Variants in ACACB observed in about 807,000 individuals in gnomAD.
The protein encoded by ACACB is acetyl-CoA carboxylase beta, also known as acetyl-CoA carboxylase 2.
ACACB carries 209 observed loss-of-function variants against 278.8 expected under a neutral mutation model. The ratio of observed to expected loss-of-function variants is 0.75; its 90% CI spans 0.67 to 0.84. ACACB has a LOEUF of 0.84. ACACB is among the 40% of genes least tolerant of loss of function. The pLI, the probability that ACACB is intolerant of heterozygous loss-of-function variation, is 0.00. For missense variants in ACACB, 2,850 were observed against 3,269.0 expected, an observed-to-expected ratio of 0.87 and a Z score of 3.13; for synonymous variants, 1,174 against 1,285.6, an observed-to-expected ratio of 0.91 and a Z score of 1.86.
chr12:109,157,272 G>A (rs377120637), intron 2 of ACACB, among the ~76,000 whole-genome samples: 10 of 143,184 alleles, frequency 7.0e-5, no homozygotes, highest in South Asian at 6.8e-4. Flanking sequence ...TTCTAGAGTT[G>A]TTATTATTAT....
chr12:109,113,356 GC>G (rs2042345040), upstream of ACACB: 1 of 152,276 alleles, frequency 6.6e-6, no homozygotes, highest in Admixed American at 6.5e-5. Context: ...GTTCCACGTG[GC>G]AAGGTTTGGG....
At chr12:109,130,574 CGAT>C (rs1473645051) in intron 1 of ACACB, among the ~76,000 whole-genome samples, 5 of 152,130 alleles carry the variant, frequency 3.3e-5, no homozygotes, top group African/African-American at 1.2e-4. Context: ...ACACTGGACT[CGAT>C]GATCCCTGTG....
intron 2 of ACACB, among the ~76,000 whole-genome samples, chr12:109,157,566 C>T (rs765452592): frequency 1.3e-5 from 2 of 152,122 alleles, no homozygotes; most frequent in Admixed American, 6.6e-5. Context: ...CCACCATGCC[C>T]GGCTCTTTCT....
In ACACB at chr12:109,166,350, A is replaced by C. The variant is rs142107299; in HGVS notation, c.654-511A>C. On this transcript the variant is annotated intron_variant, in intron 2 of 52. Transcript: ENST00000338432. ...CATCCACCTTGGGACAGGTAGAAGA[A>C]ACTGCTCCTTCTAGTTCATGTGCTG... Among the ~76,000 whole-genome samples the C allele has an allele frequency of 2.0e-3, 297 of 152,204 alleles. 1 individual carries two copies. The highest frequency in any genetic ancestry group is 3.4e-3 in the Middle Eastern group (1 of 294).
intron 48 of ACACB, among the ~76,000 whole-genome samples, chr12:109,261,035 T>G (rs906519493): frequency 1.3e-5 from 2 of 152,212 alleles, no homozygotes; most frequent in Non-Finnish European, 2.9e-5. Context: ...AACAAATGAC[T>G]GAATGAATAC....
Position 109,268,067 on chromosome 12 carries a change from A to T in ACACB, c.*1705A>T, listed in dbSNP as rs2047557879. On this transcript the variant is annotated 3_prime_UTR_variant, in exon 53 of 53. Transcript: ENST00000338432. The surrounding 1 kb of genome is among the most constrained non-coding windows in gnomAD (Gnocchi z 4.2). Reference sequence around the variant, plus strand: ...TTCCACCCCGAGGTTTGCTGGGGTGAGGGGAAGAATCGATGCTGCTTTGGG... The same window carrying T: ...TTCCACCCCGAGGTTTGCTGGGGTGTGGGGAAGAATCGATGCTGCTTTGGG... 3 of 152,092 alleles carry T rather than the reference A, an allele frequency of 2.0e-5. No individual in the cohort carries two copies. The South Asian group carries it at 6.2e-4, about 32-fold the overall frequency. 9.4% of individuals were successfully genotyped at this position (152,092 alleles called of 1,614,324 possible). A position where few individuals can be genotyped will look rare whatever the true frequency, so the allele number is the denominator to read the frequency against.
intron 39 of ACACB, 98 bp downstream of exon 39, chr12:109,246,546 C>T: frequency 7.0e-7 from 1 of 1,436,290 alleles, no homozygotes; most frequent in South Asian, 1.3e-5. Flanking sequence ...AAAAATCTCA[C>T]TTATGTATAA....
the ACACB span, chr12:109,111,538 GTTT>G: frequency 1.3e-5 from 2 of 150,016 alleles, no homozygotes; most frequent in Non-Finnish European, 3.0e-5. Flanking sequence ...CCACAATTGT[GTTT>G]TTTTTTCTTT....
At chr12:109,111,717 G>C (rs935004627), upstream of ACACB, among the ~76,000 whole-genome samples, 2 of 151,932 alleles carry the variant, frequency 1.3e-5, no homozygotes, top group East Asian at 3.9e-4. Context: ...TACCACGCCC[G>C]GCTAATTTTT....
At position 109,242,299 on chromosome 12, in the gene ACACB, C is replaced by T. The variant is rs1018225244; in HGVS notation, c.5023-138C>T. On this transcript the variant is annotated intron_variant, in intron 36 of 52. Coordinates refer to ENST00000338432, the MANE Select transcript of ACACB (RefSeq NM_001093.4). ...TGGTGAAGAAGGGAGTTTTACGTAG[C>T]CCAGGCACTCACTTTGTCATGCCAT... 1.8e-4 allele frequency: 171 copies of T among 937,968 alleles called. 2 individuals are homozygous for T. The highest frequency in any genetic ancestry group is 6.2e-4 in the South Asian group (38 of 61,672). 58.1% of individuals were successfully genotyped at this position (937,968 alleles called of 1,614,324 possible).
intron 38 of ACACB, 95 bp downstream of exon 38, chr12:109,245,843 C>A: frequency 6.8e-7 from 1 of 1,471,334 alleles, no homozygotes; most frequent in Non-Finnish European, 9.2e-7. Flanking sequence ...AATCCCAGTG[C>A]TTTGGGAGGC....
At chr12:109,262,833 T>C (rs1029079571) in intron 49 of ACACB, among the ~76,000 whole-genome samples, 3 of 150,716 alleles carry the variant, frequency 2.0e-5, no homozygotes, top group African/African-American at 2.4e-5. Flanking sequence ...CCCAGGCTGT[T>C]CTCAAACTCC....
rs745491556 is a variant in ACACB at position 109,191,728 on chromosome 12, G to C, written c.2260G>C (p.Gly754Arg). The change falls in exon 14 of 53, where the codon GGG (glycine) becomes CGG (arginine). Residue 754 changes from glycine to arginine, a missense_variant. Transcript: ENST00000338432. Reference protein sequence around the residue: ...ESFQNNDIDTGWLDYLIAEKV... With the variant: ...ESFQNNDIDTRWLDYLIAEKV... ...CTTCCAGAACAACGACATCGACACC[G>C]GGTGGTTGGACTACCTCATTGCTGA... is the stretch of plus-strand genomic sequence containing the variant. 1.9e-6 allele frequency: 3 copies of C among 1,614,192 alleles called. No individual in the cohort carries two copies. Among genetic ancestry groups the C allele is most frequent in the Admixed American group, 3.3e-5 (2 of 60,024 alleles).
intron 4 of ACACB, among the ~76,000 whole-genome samples, chr12:109,169,244 C>T (rs1225093049): frequency 6.6e-6 from 1 of 151,962 alleles, no homozygotes; most frequent in African/African-American, 2.4e-5. Flanking sequence ...GTGCTGTTCC[C>T]AATATTAGCA....
At chr12:109,201,448 A>C (rs1295413694) in intron 18 of ACACB, 119 bp from the exon 19 acceptor site, 1 of 1,215,200 alleles carries the variant, frequency 8.2e-7, no homozygotes, top group African/African-American at 1.5e-5. Context: ...CCAGGGAGTC[A>C]TTCTGGCGCG....
At chr12:109,221,901 G>GGA (rs1166735212) in intron 24 of ACACB, among the ~76,000 whole-genome samples, 1 of 150,150 alleles carries the variant, frequency 6.7e-6, no homozygotes, top group African/African-American at 2.5e-5. Flanking sequence ...TTTTGGGGGG[G>GGA]AGACAGAGTC....
At position 109,264,151 on chromosome 12, in the gene ACACB, C is replaced by T. The variant is rs1322633482; in HGVS notation, c.6788-81C>T. The stretch of plus-strand genomic sequence containing the variant: ...TCCTGCAAATCCTGATTTGTGCCTT[C>T]TTCAAAAAAAAAAAAAAATCTCCAC... On this transcript the variant is annotated intron_variant, in intron 49 of 52. Coordinates refer to ENST00000338432, the MANE Select transcript of ACACB (RefSeq NM_001093.4). 1.0e-5 allele frequency: 15 copies of T among 1,440,198 alleles called. No homozygotes were observed. The East Asian group carries it at 3.3e-4, about 31-fold the overall frequency. 89.2% of individuals were successfully genotyped at this position (1,440,198 alleles called of 1,614,324 possible).
At chr12:109,137,901 T>C (rs1461253199) in intron 1 of ACACB, among the ~76,000 whole-genome samples, 1 of 148,888 alleles carries the variant, frequency 6.7e-6, no homozygotes, top group Non-Finnish European at 1.5e-5. Flanking sequence ...TTCTTTTTCT[T>C]TTTTTTTTTG....
At chr12:109,202,027 A>G (rs1329797269) in intron 19 of ACACB, among the ~76,000 whole-genome samples, 2 of 152,018 alleles carry the variant, frequency 1.3e-5, no homozygotes, top group East Asian at 3.9e-4. Context: ...ACTTACTTGA[A>G]TACACTGGAC....
Sources: gnomAD v4.1 joint callset for allele counts (sites outside exome capture counted in the v4.1 genomes callset) on GRCh38, gnomAD v4.1.1 for gene constraint, Gnocchi (gnomAD v3.1) non-coding constraint, MANE v1.5 for transcripts, NCBI Gene and HGNC (gene_info 2026-07-23, HGNC 2026-07-21) for gene names.